Variants in PRPF40B observed in about 807,000 individuals in gnomAD.
The protein encoded by PRPF40B is pre-mRNA processing factor 40B, also known as pre-mRNA-processing factor 40 homolog B.
Under a neutral mutation model 124.5 loss-of-function variants are expected in PRPF40B, and 56 were observed. The ratio of observed to expected loss-of-function variants is 0.45; its 90% CI spans 0.36 to 0.56. The LOEUF is 0.56. PRPF40B is among the 20% of genes least tolerant of loss of function. PRPF40B has a pLI of 0.00. For synonymous variants in PRPF40B, 443 were observed against 426.4 expected, an observed-to-expected ratio of 1.04 and a Z score of -0.48; for missense variants, 1,053 against 1,169.5, an observed-to-expected ratio of 0.90 and a Z score of 1.45.
intron 1 of PRPF40B, among the ~76,000 whole-genome samples, chr12:49,624,910 G>GGAA (rs1940567580): frequency 6.6e-6 from 1 of 152,096 alleles, no homozygotes; most frequent in South Asian, 2.1e-4. Context: ...GGGAGCAAGA[G>GGAA]GAAGAGTAGG....
chr12:49,633,700 A>T (rs1458180647), intron 9 of PRPF40B, 39 bp downstream of exon 9: 1 of 1,613,820 alleles, frequency 6.2e-7, no homozygotes, highest in Non-Finnish European at 8.5e-7. Context: ...TAGTTGGGGC[A>T]CCTGGAGTGT....
intron 18 of PRPF40B, 151 bp downstream of exon 18, chr12:49,637,975 G>C: frequency 1.6e-6 from 1 of 625,588 alleles, no homozygotes; most frequent in East Asian, 2.8e-5. Flanking sequence ...TAGGGATACA[G>C]TAATGAATAC....
In PRPF40B at chr12:49,642,648, C is replaced by T. The variant is rs772225913; in HGVS notation, c.2091C>T (p.Leu697=). 2.5e-6 allele frequency: 4 copies of T among 1,614,088 alleles called. No individual in the cohort carries two copies. In the African/African-American group the frequency reaches 5.3e-5, roughly 22 times the overall value. The stretch of plus-strand genomic sequence containing the variant: ...CCCTGGAGTCGGAGCGGATCCGGCT[C>T]TTCCGGGAGTTCCTACAGGTGCTGG... ...QITLESERIR[L]FREFLQVLET... is the part of the protein sequence containing the mutation. The change falls in exon 21 of 26, where the codon CTC becomes CTT. Residue 697 remains leucine (L), a synonymous_variant. Coordinates refer to ENST00000548825, the MANE Select transcript of PRPF40B (RefSeq NM_001031698.3). This position sits in a 1 kb window ranked among gnomAD's most constrained non-coding sequence, Gnocchi z 5.8.
chr12:49,634,279 T>C, intron 10 of PRPF40B, 53 bp from the exon 11 acceptor site: 1 of 1,612,950 alleles, frequency 6.2e-7, no homozygotes, highest in South Asian at 1.1e-5. Flanking sequence ...TTCAGGGCAC[T>C]GAAAGCTGTG....
At chr12:49,626,285 G>A (rs748090244) in intron 1 of PRPF40B, among the ~76,000 whole-genome samples, 2 of 152,214 alleles carry the variant, frequency 1.3e-5, no homozygotes, top group Non-Finnish European at 2.9e-5. Context: ...TGTGTGCAGG[G>A]CCCTGACTAA....
chr12:49,627,111 A>G (rs1940789719), intron 1 of PRPF40B, among the ~76,000 whole-genome samples: 1 of 152,206 alleles, frequency 6.6e-6, no homozygotes, highest in South Asian at 2.1e-4. Flanking sequence ...CACAATGGGA[A>G]CTGGATATGA....
rs781138383 is a variant in PRPF40B, at chr12:49,643,953, A to G, written c.2535A>G (p.Gln845=). 1 of 1,614,190 alleles carries G rather than the reference A, an allele frequency of 6.2e-7. No homozygotes were observed. ...AACAGGACAAGGACAGGGAGCTCCAACAGGCAGAGCTCCCTAACCGTTCCC... is the reference window on the plus strand; with the variant it reads ...AACAGGACAAGGACAGGGAGCTCCAGCAGGCAGAGCTCCCTAACCGTTCCC... ...EQEQDKDREL[Q]QAELPNRSPG... The change falls in exon 25 of 26, where the codon CAA becomes CAG. Residue 845 remains glutamine (Q), a synonymous_variant. Transcript: ENST00000548825.
chr12:49,637,429 C>G lies in PRPF40B; in HGVS notation c.1561-41C>G, dbSNP rs1200433073. ...TCCCCCTCAGTCTGTGGCTCTGCCT[C>G]CCTGTCTCACTCTCCCTATAACTGG... On this transcript the variant is annotated intron_variant, in intron 16 of 25. Transcript: ENST00000548825. The G allele has an allele frequency of 2.1e-6, 3 of 1,425,040 alleles. No individual in the cohort carries two copies. The Admixed American group carries it at 5.1e-5, about 24-fold the overall frequency. 88.3% of individuals were successfully genotyped at this position (1,425,040 alleles called of 1,614,324 possible). A position where few individuals can be genotyped will look rare whatever the true frequency, so the allele number is the denominator to read the frequency against.
intron 12 of PRPF40B, 29 bp downstream of exon 12, chr12:49,634,631 T>C: frequency 4.3e-6 from 7 of 1,613,596 alleles, no homozygotes; most frequent in Non-Finnish European, 5.9e-6. Context: ...AGCCAGGCCC[T>C]GTTCATGAGA....
At chr12:49,626,804 T>G (rs1940759568) in intron 1 of PRPF40B, among the ~76,000 whole-genome samples, 1 of 151,944 alleles carries the variant, frequency 6.6e-6, no homozygotes, top group Admixed American at 6.6e-5. Context: ...CTGTTTCATG[T>G]GGTAGGAGCT....
In PRPF40B at chr12:49,632,863, G is replaced by A. The variant is rs563460915; in HGVS notation, c.331G>A (p.Ala111Thr). The change falls in exon 6 of 26, where the codon GCT (alanine) becomes ACT (threonine). Residue 111 changes from alanine to threonine, a missense_variant. Around this residue, in one of 2 missense-constraint regions of PRPF40B, gnomAD observed 895 missense variants for 1,052.2 expected, o/e 0.85. Transcript: ENST00000548825. ...CTTTGGCTTTTTTCTAGCTGCTGTGGCTGGGACAGGCCCTCCGGTGAGTTC... is the reference window on the plus strand; with the variant it reads ...CTTTGGCTTTTTTCTAGCTGCTGTGACTGGGACAGGCCCTCCGGTGAGTTC... ...PGADTASSAV[A>T]GTGPPRALWS... is the part of the protein sequence containing the mutation. The A allele has an allele frequency of 6.2e-7, 1 of 1,613,846 alleles. No homozygotes were observed.
At chr12:49,634,700 CAG>C (rs1239752349) in intron 12 of PRPF40B, 98 bp downstream of exon 12, 13 of 1,465,296 alleles carry the variant, frequency 8.9e-6, no homozygotes, top group Non-Finnish European at 1.2e-5. Flanking sequence ...CTAAGGGAAC[CAG>C]AGTCAGGACA....
At chr12:49,627,417 C>G (rs1455093504) in intron 1 of PRPF40B, among the ~76,000 whole-genome samples, 2 of 152,050 alleles carry the variant, frequency 1.3e-5, no homozygotes, top group Non-Finnish European at 2.9e-5. Flanking sequence ...CTGACTAGTT[C>G]AGGGAGTTGG....
In PRPF40B at chr12:49,631,415, G is replaced by A; in HGVS notation, c.99G>A (p.Gly33=). 1 of 1,466,744 alleles carries A rather than the reference G, an allele frequency of 6.8e-7. No individual in the cohort carries two copies. The highest frequency in any genetic ancestry group is 1.6e-5 in the South Asian group (1 of 64,086). The allele number at this position is 1,466,744 out of a possible 1,614,324, so 90.9% of individuals were successfully genotyped here. The part of the protein sequence containing the change: ...MMPPPFMPPP[G]IPPPFPPMGL... ...CTCATTTCCAGATGCCCCCTCCAGG[G>A]ATCCCCCCACCCTTTCCTCCGATGG... The change falls in exon 3 of 26, where the codon GGG becomes GGA. Residue 33 remains glycine (G), a synonymous_variant. Coordinates refer to ENST00000548825, the MANE Select transcript of PRPF40B (RefSeq NM_001031698.3). The surrounding 1 kb of genome is among the most constrained non-coding windows in gnomAD (Gnocchi z 4.3).
In PRPF40B at chr12:49,623,879, G is replaced by C. The variant is rs1255545569; in HGVS notation, c.3+286G>C. 13 of 1,180,246 alleles carry C rather than the reference G, an allele frequency of 1.1e-5. No individual in the cohort carries two copies. The South Asian group carries it at 4.8e-4, about 43-fold the overall frequency. The allele number at this position is 1,180,246 out of a possible 1,614,324, so 73.1% of individuals were successfully genotyped here. The stretch of plus-strand genomic sequence containing the variant: ...TTGGGAGAGGTGGGGGTGGGTTCGC[G>C]GAGAAAGATCGGGAAAGAAGAGAGA... On this transcript the variant is annotated intron_variant, in intron 1 of 25. Transcript: ENST00000548825.
At chr12:49,634,990 C>T (rs1941616810) in intron 12 of PRPF40B, 109 bp from the exon 13 acceptor site, 2 of 1,164,656 alleles carry the variant, frequency 1.7e-6, no homozygotes, top group Admixed American at 2.7e-5. Flanking sequence ...GACATCTGTG[C>T]CCTTGGAGCC....
At position 49,637,537 on chromosome 12, in the gene PRPF40B, C is replaced by CA; in HGVS notation, c.1629dup (p.Ala544SerfsTer5). On this transcript the variant is annotated frameshift_variant, in exon 17 of 26. Coordinates refer to ENST00000548825, the MANE Select transcript of PRPF40B (RefSeq NM_001031698.3). LOFTEE classifies it high-confidence loss of function. Reference sequence around the variant, plus strand: ...ATGTCCACCTGGATGGAGCTATATCCAGCAGTCAGCACTGATGTCCGCTTT... The same window carrying CA: ...ATGTCCACCTGGATGGAGCTATATCCAAGCAGTCAGCACTGATGTCCGCTTT... 1 of 1,613,908 alleles carries CA rather than the reference C, an allele frequency of 6.2e-7. No individual in the cohort carries two copies. Among genetic ancestry groups the CA allele is most frequent in the East Asian group, 2.2e-5 (1 of 44,874 alleles).
In PRPF40B at chr12:49,635,541, T is replaced by C. The variant is rs1356421106; in HGVS notation, c.1275+68T>C. The C allele has an allele frequency of 1.1e-5, 16 of 1,443,030 alleles. No homozygotes were observed. In the East Asian group the frequency reaches 2.3e-4, roughly 21 times the overall value. The allele number at this position is 1,443,030 out of a possible 1,614,324, so 89.4% of individuals were successfully genotyped here. A position where few individuals can be genotyped will look rare whatever the true frequency, so the allele number is the denominator to read the frequency against. Reference sequence around the variant, plus strand: ...GACTTTCCTTGTCTTTGCTTTGTTATGGACCCTCGCCATTTACTTCTCTAC... The same window carrying C: ...GACTTTCCTTGTCTTTGCTTTGTTACGGACCCTCGCCATTTACTTCTCTAC... On this transcript the variant is annotated intron_variant, in intron 14 of 25. Coordinates refer to ENST00000548825, the MANE Select transcript of PRPF40B (RefSeq NM_001031698.3). This position sits in a 1 kb window ranked among gnomAD's most constrained non-coding sequence, Gnocchi z 4.1.
rs948319417 is a variant in PRPF40B, at chr12:49,635,255, C to G, written c.1158C>G (p.Thr386=). 3 of 1,613,034 alleles carry G rather than the reference C, an allele frequency of 1.9e-6. No individual in the cohort carries two copies. Among genetic ancestry groups the G allele is most frequent in the Admixed American group, 1.7e-5 (1 of 59,858 alleles). Residue 386 remains threonine (T), a synonymous_variant, in exon 13 of 26, where the codon ACC becomes ACG. Transcript: ENST00000548825. This position sits in a 1 kb window ranked among gnomAD's most constrained non-coding sequence, Gnocchi z 4.1. ...LEQHERMTST[T]RYRRAEQTFG... ...AGCATGAACGCATGACCTCCACCAC[C>G]CGCTACCGGTCAGGGGGCCAGGCTG...
Sources: gnomAD v4.1 joint callset for allele counts (sites outside exome capture counted in the v4.1 genomes callset) on GRCh38, gnomAD v4.1.1 for gene constraint, gnomAD v4.1.1 regional missense constraint, Gnocchi (gnomAD v3.1) non-coding constraint, MANE v1.5 for transcripts, NCBI Gene and HGNC (gene_info 2026-07-23, HGNC 2026-07-21) for gene names.